The following UGT1A9 variants were observed in gnomAD, a reference collection of about 807,000 sequenced individuals.
UGT1A9 encodes the protein UDP-glucuronosyltransferase 1A9.
A neutral mutation model predicts 45.0 loss-of-function variants in UGT1A9; 35 were observed. That is an observed-to-expected ratio of 0.78 (90% CI 0.59 to 1.03). UGT1A9 has a LOEUF of 1.03. Ranked by LOEUF, UGT1A9 falls within the 50% of genes least tolerant of loss-of-function variation. UGT1A9 has a pLI of 0.00. For synonymous variants in UGT1A9, 278 were observed against 250.6 expected (o/e 1.11, Z -1.03); for missense variants, 687 against 666.6 (o/e 1.03, Z -0.34).
In UGT1A9 at chr2:233,769,743, C is replaced by T. The variant is rs1376344823; in HGVS notation, c.1295+1304C>T. Reference sequence around the variant, plus strand: ...CATGGCACACGCCTGTAGTCCCAGCCACTCTGGAGGCTAAGGCGGGAGGAT... The same window carrying T: ...CATGGCACACGCCTGTAGTCCCAGCTACTCTGGAGGCTAAGGCGGGAGGAT... On this transcript the variant is annotated intron_variant, in intron 4 of 4. Coordinates refer to ENST00000354728, the MANE Select transcript of UGT1A9 (RefSeq NM_021027.3). The surrounding 1 kb of genome is among the most constrained non-coding windows in gnomAD (Gnocchi z 4.4). The T allele has an allele frequency of 1.2e-5, 17 of 1,445,490 alleles. No homozygotes were observed. The East Asian group carries it at 4.3e-4, about 36-fold the overall frequency. 89.5% of individuals were successfully genotyped at this position (1,445,490 alleles called of 1,614,324 possible).
At chr2:233,765,900 A>G (rs1255156851) in intron 1 of UGT1A9, among the ~76,000 whole-genome samples, 1 of 152,060 alleles carries the variant, frequency 6.6e-6, no homozygotes, top group Non-Finnish European at 1.5e-5. Flanking sequence ...GCCACTGCTC[A>G]AACCTCTAGG....
chr2:233,692,620 A>G (rs1324523503), intron 1 of UGT1A9, among the ~76,000 whole-genome samples: 1 of 152,200 alleles, frequency 6.6e-6, no homozygotes, highest in Non-Finnish European at 1.5e-5. Flanking sequence ...CACATCATGG[A>G]CATAACAGAC....
intron 1 of UGT1A9, among the ~76,000 whole-genome samples, chr2:233,761,308 T>C (rs72551346): frequency 6.6e-6 from 1 of 152,246 alleles, no homozygotes; most frequent in Non-Finnish European, 1.5e-5. Context: ...GAGTCTGTCT[T>C]TGGCATCATC....
At chr2:233,761,712 C>G (rs1355356029) in intron 1 of UGT1A9, among the ~76,000 whole-genome samples, 1 of 152,230 alleles carries the variant, frequency 6.6e-6, no homozygotes, top group Non-Finnish European at 1.5e-5. Context: ...GTTTCATTCT[C>G]AAGCTATTAG....
chr2:233,730,223 A>G (rs144120008), intron 1 of UGT1A9, among the ~76,000 whole-genome samples: 2 of 152,266 alleles, frequency 1.3e-5, no homozygotes, highest in Non-Finnish European at 2.9e-5. Flanking sequence ...AATGTTTGTA[A>G]AAGGATGGAC....
rs2076078557 is a variant in UGT1A9, at chr2:233,709,472, A to G, written c.855+36683A>G. ...TTTTAAAGCAATCATTTTGGGGCTT[A>G]TAAGTATTTAGTATTTGAAGTCTCT... is the stretch of plus-strand genomic sequence containing the variant. On this transcript the variant is annotated intron_variant, in intron 1 of 4. Coordinates refer to ENST00000354728, the MANE Select transcript of UGT1A9 (RefSeq NM_021027.3). Among the ~76,000 whole-genome samples the G allele has an allele frequency of 2.0e-5, 3 of 152,238 alleles. No homozygotes were observed. In the South Asian group the frequency reaches 6.2e-4, roughly 32 times the overall value.
chr2:233,677,231 C>T (rs1158558873), intron 1 of UGT1A9, among the ~76,000 whole-genome samples: 1 of 152,136 alleles, frequency 6.6e-6, no homozygotes, highest in Non-Finnish European at 1.5e-5. Context: ...AATGTACAGT[C>T]TTTCACATCC....
intron 1 of UGT1A9, among the ~76,000 whole-genome samples, chr2:233,745,292 C>G (rs13426130): frequency 6.6e-6 from 1 of 151,882 alleles, no homozygotes. Context: ...TGGGGATAAA[C>G]GTGGGATGCA....
chr2:233,693,679 G>T (rs750041304), intron 1 of UGT1A9: 1 of 1,614,172 alleles, frequency 6.2e-7, no homozygotes, highest in East Asian at 2.2e-5. Context: ...TTTATTGTCT[G>T]TTTTCAAAGT....
At chr2:233,734,165 TG>T (rs2078494496) in intron 1 of UGT1A9, among the ~76,000 whole-genome samples, 1 of 152,186 alleles carries the variant, frequency 6.6e-6, no homozygotes, top group African/African-American at 2.4e-5. Context: ...GGACTTTTTT[TG>T]GTTGGTAGGC....
chr2:233,750,975 G>A (rs1468208410), intron 1 of UGT1A9, among the ~76,000 whole-genome samples: 2 of 151,842 alleles, frequency 1.3e-5, no homozygotes, highest in African/African-American at 2.4e-5. Flanking sequence ...GCCTAGTGGA[G>A]TTGTGAGAAG....
rs1355599661 is a variant in UGT1A9, at chr2:233,766,653, G to C, written c.856-381G>C. Among the ~76,000 whole-genome samples the C allele has an allele frequency of 2.6e-5, 4 of 152,090 alleles. No individual in the cohort carries two copies. In the East Asian group the frequency reaches 7.7e-4, roughly 29 times the overall value. On this transcript the variant is annotated intron_variant, in intron 1 of 4. Transcript: ENST00000354728. ...TCCCTACTTCCATATCATTTAAAGG[G>C]ACCACGCCCTTCCCAGCTCTTCCCT...
chr2:233,767,017 T>G lies in UGT1A9; in HGVS notation c.856-17T>G, dbSNP rs779272297. On this transcript the variant is annotated splice_polypyrimidine_tract_variant and intron_variant, in intron 1 of 4. Transcript: ENST00000354728. Reference sequence around the variant, plus strand: ...ATATGAGAAAAAATTAACTGAAAATTTTTCTTCTGGCTCTAGGAATTTGAA... The same window carrying G: ...ATATGAGAAAAAATTAACTGAAAATGTTTCTTCTGGCTCTAGGAATTTGAA... The G allele has an allele frequency of 6.2e-7, 1 of 1,613,758 alleles. No individual in the cohort carries two copies. The highest frequency in any genetic ancestry group is 8.5e-7 in the Non-Finnish European group (1 of 1,179,982).
chr2:233,692,928 A>G, intron 1 of UGT1A9: 11 of 1,581,564 alleles, frequency 7.0e-6, no homozygotes, highest in Non-Finnish European at 9.4e-6. Context: ...TGGTTAGTTT[A>G]GGGAAAATAC....
intron 1 of UGT1A9, among the ~76,000 whole-genome samples, chr2:233,705,743 C>T (rs377625119): frequency 6.6e-6 from 1 of 152,104 alleles, no homozygotes; most frequent in East Asian, 1.9e-4. Flanking sequence ...GCAGGTAGGT[C>T]GGTAACAGAT....
At chr2:233,674,844 C>T (rs10189426) in intron 1 of UGT1A9, among the ~76,000 whole-genome samples, 12,360 of 152,166 alleles carry the variant, frequency 0.081, 832 homozygotes, top group East Asian at 0.17. Context: ...TATGGCCCAA[C>T]CACAGAAGTA....
At chr2:233,696,701 C>T (rs915031965) in intron 1 of UGT1A9, among the ~76,000 whole-genome samples, 7 of 152,078 alleles carry the variant, frequency 4.6e-5, no homozygotes, top group African/African-American at 1.7e-4. Context: ...TTGTCTTATT[C>T]CAGATTTTAG....
chr2:233,744,844 A>C (rs1390116888), intron 1 of UGT1A9, among the ~76,000 whole-genome samples: 1 of 151,966 alleles, frequency 6.6e-6, no homozygotes, highest in African/African-American at 2.4e-5. Context: ...AGTCTAGCAG[A>C]GTAGTCCTTG....
chr2:233,679,229 C>T (rs1164085871), intron 1 of UGT1A9, among the ~76,000 whole-genome samples: 1 of 152,170 alleles, frequency 6.6e-6, no homozygotes, highest in Non-Finnish European at 1.5e-5. Flanking sequence ...AGGGAATGGT[C>T]CAATATCGAA....
Sources: allele counts gnomAD v4.1 joint callset (sites outside exome capture counted in the v4.1 genomes callset), GRCh38; gene constraint gnomAD v4.1.1; non-coding constraint Gnocchi (gnomAD v3.1); transcripts MANE v1.5; gene names NCBI Gene and HGNC (gene_info 2026-07-23, HGNC 2026-07-21).